Variants in RYR3 observed in about 807,000 individuals in gnomAD.
The protein encoded by RYR3 is brain ryanodine receptor-calcium release channel.
Under a neutral mutation model 584.3 loss-of-function variants are expected in RYR3, and 207 were observed. The observed-to-expected ratio is 0.35, with a 90% CI of 0.32 to 0.40. The LOEUF (loss-of-function observed/expected upper bound fraction) is 0.40, where lower values mean the gene tolerates loss of function less well. RYR3 is among the 10% of genes least tolerant of loss of function. The pLI is 1.00. For synonymous variants in RYR3, 2,416 were observed against 2,248.5 expected (o/e 1.07, Z -2.11); for missense variants, 5,616 against 6,089.2 (o/e 0.92, Z 2.59).
rs149606109 is a variant in RYR3, at chr15:33,862,152, G to C, written c.14465+974G>C. 5.2e-3 allele frequency among the ~76,000 whole-genome samples: 787 copies of C among 152,100 alleles called. 2 individuals carry two copies. Among genetic ancestry groups the C allele is most frequent in the South Asian group, 0.014 (66 of 4,806 alleles). On this transcript the variant is annotated intron_variant, in intron 102 of 103. Coordinates refer to ENST00000634891, the MANE Select transcript of RYR3 (RefSeq NM_001036.6). ...TCATTTACAAGAAAAAAAATAAAATGCTGGGCTCTGCTCCCCAGCCTAGCT... is the reference window on the plus strand; with the variant it reads ...TCATTTACAAGAAAAAAAATAAAATCCTGGGCTCTGCTCCCCAGCCTAGCT...
intron 32 of RYR3, among the ~76,000 whole-genome samples, chr15:33,654,365 A>C (rs1364501368): frequency 6.6e-6 from 1 of 152,054 alleles, no homozygotes; most frequent in African/African-American, 2.4e-5. Context: ...AAATAGAAAA[A>C]TTAGCTGGGT....
At chr15:33,853,436 G>T in intron 95 of RYR3, 119 bp from the exon 96 acceptor site, 1 of 1,265,164 alleles carries the variant, frequency 7.9e-7, no homozygotes, top group Non-Finnish European at 1.1e-6. Flanking sequence ...TTTGAACTAT[G>T]TCTTCATCTA....
intron 16 of RYR3, among the ~76,000 whole-genome samples, chr15:33,598,889 T>C (rs1317960236): frequency 1.3e-5 from 2 of 151,848 alleles, no homozygotes; most frequent in Admixed American, 6.6e-5. Context: ...CTGTCTCTAC[T>C]AAAAAATACA....
In RYR3 at chr15:33,786,676, T is replaced by C. The variant is rs190949749; in HGVS notation, c.9589+694T>C. ...TGTGTCAAACTACAGTCCAAGGAGA[T>C]AGAAGCTAAGGCAAAATTACTGCTT... On this transcript the variant is annotated intron_variant, in intron 66 of 103. Transcript: ENST00000634891. Among the ~76,000 whole-genome samples, 79 of 152,322 alleles carry C rather than the reference T, an allele frequency of 5.2e-4. No homozygotes were observed. The Middle Eastern group carries it at 0.014, about 26-fold the overall frequency.
At chr15:33,481,188 G>A (rs1010828455) in intron 2 of RYR3, among the ~76,000 whole-genome samples, 1 of 152,032 alleles carries the variant, frequency 6.6e-6, no homozygotes, top group African/African-American at 2.4e-5. Flanking sequence ...CCTTATGTAT[G>A]TATTTATATC....
intron 65 of RYR3, among the ~76,000 whole-genome samples, chr15:33,783,647 G>A (rs1375677362): frequency 6.6e-6 from 1 of 152,146 alleles, no homozygotes; most frequent in Non-Finnish European, 1.5e-5. Context: ...TAATCCCACG[G>A]CAAATAGTTG....
At chr15:33,506,211 A>G (rs887879670) in intron 3 of RYR3, among the ~76,000 whole-genome samples, 8 of 152,176 alleles carry the variant, frequency 5.3e-5, no homozygotes, top group Non-Finnish European at 8.8e-5. Flanking sequence ...AATAAAATTG[A>G]GCTCTTCATT....
chr15:33,792,948 A>T lies in RYR3; in HGVS notation c.9830+4490A>T, dbSNP rs74511749. On this transcript the variant is annotated intron_variant, in intron 67 of 103. Transcript: ENST00000634891. ...GAGTTAGTGCAGATCCCACAGGTCA[A>T]TGGCTCAGTTTTGCAAGACTGTTCC... 2.4e-3 allele frequency among the ~76,000 whole-genome samples: 370 copies of T among 152,266 alleles called. 1 individual carries two copies. Among genetic ancestry groups the T allele is most frequent in the Non-Finnish European group, 4.2e-3 (289 of 68,004 alleles).
At chr15:33,470,733 G>A (rs1012680975) in intron 1 of RYR3, among the ~76,000 whole-genome samples, 2 of 152,180 alleles carry the variant, frequency 1.3e-5, no homozygotes, top group Admixed American at 6.5e-5. Context: ...GTTTTTGCAC[G>A]TGGGTAGAAC....
chr15:33,373,169 C>T (rs536905162), intron 1 of RYR3, among the ~76,000 whole-genome samples: 2 of 152,338 alleles, frequency 1.3e-5, no homozygotes, highest in Non-Finnish European at 2.9e-5. Flanking sequence ...AATTTACCAA[C>T]AAGCATCTGC....
chr15:33,834,406 T>C (rs969958164), intron 86 of RYR3, among the ~76,000 whole-genome samples: 2 of 152,162 alleles, frequency 1.3e-5, no homozygotes, highest in Non-Finnish European at 2.9e-5. Context: ...TGCTATTATA[T>C]ATGAAGTTTA....
At chr15:33,596,162 A>G (rs1020943910) in intron 16 of RYR3, among the ~76,000 whole-genome samples, 3 of 150,728 alleles carry the variant, frequency 2.0e-5, no homozygotes, top group African/African-American at 7.3e-5. Flanking sequence ...CATAACCTTT[A>G]AGTTTTGAAT....
intron 36 of RYR3, among the ~76,000 whole-genome samples, chr15:33,664,337 G>A (rs2063347963): frequency 6.6e-6 from 1 of 151,788 alleles, no homozygotes; most frequent in African/African-American, 2.4e-5. Flanking sequence ...CGATGGGAAG[G>A]GCTTCTTTAA....
intron 36 of RYR3, 53 bp downstream of exon 36, chr15:33,663,790 T>C: frequency 6.8e-7 from 1 of 1,478,168 alleles, no homozygotes; most frequent in Non-Finnish European, 9.2e-7. Context: ...ACTTGAGACC[T>C]ATGGAACAGG....
At chr15:33,783,489 G>T (rs114036800) in intron 65 of RYR3, among the ~76,000 whole-genome samples, 1 of 152,136 alleles carries the variant, frequency 6.6e-6, no homozygotes, top group African/African-American at 2.4e-5. Flanking sequence ...GGCCAATTAC[G>T]TATAAATAAC....
At chr15:33,639,353 G>GCTCTTTCAGTTCACAAAGCTCTTT in intron 27 of RYR3, among the ~76,000 whole-genome samples, 1 of 152,216 alleles carries the variant, frequency 6.6e-6, no homozygotes, top group Non-Finnish European at 1.5e-5. Context: ...TTTCAGTTCC[G>GCTCTTTCAGTTCACAAAGCTCTTT]CAATGCCTTG....
rs377509163 is a variant in RYR3 at position 33,836,281 on chromosome 15, G to C, written c.11569-625G>C. 1.2e-3 allele frequency among the ~76,000 whole-genome samples: 185 copies of C among 151,524 alleles called. 2 individuals are homozygous for C. Among genetic ancestry groups the C allele is most frequent in the Non-Finnish European group, 3.8e-4 (26 of 67,930 alleles). ...AGATTGCCCACCTCAGATCTTCCAA[G>C]AATTGTTTCCTACTGTGACATAGGG... On this transcript the variant is annotated intron_variant, in intron 87 of 103. Transcript: ENST00000634891.
chr15:33,646,845 G>A (rs757316582), intron 29 of RYR3, among the ~76,000 whole-genome samples: 1 of 152,200 alleles, frequency 6.6e-6, no homozygotes, highest in African/African-American at 2.4e-5. Context: ...ATAAGAGGGT[G>A]CAATTATTTT....
intron 25 of RYR3, 81 bp downstream of exon 25, chr15:33,634,814 C>A: frequency 8.7e-7 from 1 of 1,143,040 alleles, no homozygotes; most frequent in South Asian, 1.3e-5. Flanking sequence ...TCAAATAGGT[C>A]TAACTTGTAC....
Sources: gnomAD v4.1 joint callset for allele counts (sites outside exome capture counted in the v4.1 genomes callset) on GRCh38, gnomAD v4.1.1 for gene constraint, MANE v1.5 for transcripts, NCBI Gene and HGNC (gene_info 2026-07-23, HGNC 2026-07-21) for gene names.